FOXP1: variants seen among roughly 807,000 people sequenced by gnomAD.
The protein encoded by FOXP1 is forkhead box protein P1.
A neutral mutation model predicts 98.2 loss-of-function variants in FOXP1; 15 were observed. The observed-to-expected ratio is 0.15, with a 90% confidence interval of 0.10 to 0.24. The LOEUF is 0.24. FOXP1 is among the 10% of genes least tolerant of loss of function. The pLI is 1.00. For missense variants in FOXP1, 633 were observed against 848.5 expected, an observed-to-expected ratio of 0.75 and a Z score of 3.15; for synonymous variants, 371 against 314.5, an observed-to-expected ratio of 1.18 and a Z score of -1.90.
At chr3:71,277,573 G>A (rs1377753447) in intron 5 of FOXP1, among the ~76,000 whole-genome samples, 1 of 152,066 alleles carries the variant, frequency 6.6e-6, no homozygotes, top group African/African-American at 2.4e-5. Context: ...TCTGATGACT[G>A]CAGCCTCTAA....
intron 2 of FOXP1, among the ~76,000 whole-genome samples, chr3:71,555,773 T>A (rs939266853): frequency 7.2e-5 from 11 of 152,336 alleles, no homozygotes; most frequent in African/African-American, 2.4e-4. Context: ...TACTACAGCT[T>A]TTAAAATCCA....
intron 2 of FOXP1, among the ~76,000 whole-genome samples, chr3:71,523,360 T>C (rs1441428285): frequency 6.6e-6 from 1 of 152,182 alleles, no homozygotes; most frequent in South Asian, 2.1e-4. Context: ...ATTTACGTAG[T>C]AAGCTATGTG....
At chr3:71,067,833 T>C (rs1001737297) in intron 7 of FOXP1, among the ~76,000 whole-genome samples, 2 of 150,962 alleles carry the variant, frequency 1.3e-5, no homozygotes, top group East Asian at 1.9e-4. Context: ...CAGGATCACT[T>C]GGAGACCAGA....
chr3:71,339,438 G>T (rs1238720611), intron 4 of FOXP1, among the ~76,000 whole-genome samples: 2 of 152,226 alleles, frequency 1.3e-5, no homozygotes, highest in Non-Finnish European at 2.9e-5. Context: ...AACGAAGGAA[G>T]ACTGTATAAT....
At chr3:71,509,528 G>T (rs998308736) in intron 2 of FOXP1, among the ~76,000 whole-genome samples, 2 of 152,022 alleles carry the variant, frequency 1.3e-5, no homozygotes, top group Admixed American at 6.6e-5. Flanking sequence ...AGGTACTGGG[G>T]GTGAGGGCTT....
chr3:71,459,931 C>CGTTTTT (rs1334419290), intron 3 of FOXP1, among the ~76,000 whole-genome samples: 3 of 137,028 alleles, frequency 2.2e-5, no homozygotes, highest in Admixed American at 1.5e-4. Context: ...GCCCCATCTT[C>CGTTTTT]TTTTTTTTTT....
At chr3:71,126,680 C>T (rs1385222226) in intron 6 of FOXP1, among the ~76,000 whole-genome samples, 1 of 151,258 alleles carries the variant, frequency 6.6e-6, no homozygotes, top group Non-Finnish European at 1.5e-5. Flanking sequence ...AAAAATTAGC[C>T]AGGTGTGATG....
chr3:71,436,875 C>A (rs1463597086), intron 3 of FOXP1, among the ~76,000 whole-genome samples: 1 of 152,146 alleles, frequency 6.6e-6, no homozygotes. Context: ...ACACAGGAAA[C>A]AAAATGTAAG....
At chr3:70,960,156 A>AT (rs2032984152) in intron 20 of FOXP1, among the ~76,000 whole-genome samples, 1 of 152,206 alleles carries the variant, frequency 6.6e-6, no homozygotes, top group Non-Finnish European at 1.5e-5. Flanking sequence ...ACACCATGAT[A>AT]TACATGCTTG....
intron 7 of FOXP1, among the ~76,000 whole-genome samples, chr3:71,067,763 C>CACACACACACACACACACACA (rs374096871): frequency 6.7e-6 from 1 of 149,788 alleles, no homozygotes; most frequent in African/African-American, 2.5e-5. Flanking sequence ...CACACACACA[C>CACACACACACACACACACACA]AATTAGCCAC....
chr3:71,035,378 C>T (rs2047443323), intron 11 of FOXP1, among the ~76,000 whole-genome samples: 1 of 152,210 alleles, frequency 6.6e-6, no homozygotes, highest in African/African-American at 2.4e-5. Context: ...GCAACTGTTT[C>T]TGTAAATGGT....
intron 6 of FOXP1, among the ~76,000 whole-genome samples, chr3:71,164,744 G>C (rs1437819975): frequency 6.6e-6 from 1 of 152,096 alleles, no homozygotes; most frequent in Non-Finnish European, 1.5e-5. Flanking sequence ...TAAATCTATT[G>C]ACCATTTTTT....
intron 4 of FOXP1, among the ~76,000 whole-genome samples, chr3:71,318,972 G>T (rs1203125117): frequency 1.2e-4 from 18 of 152,184 alleles, no homozygotes; most frequent in Admixed American, 1.1e-3. Flanking sequence ...TCAAGGATGA[G>T]GAGGACATTC....
At chr3:71,541,745 T>C (rs1255312514) in intron 2 of FOXP1, among the ~76,000 whole-genome samples, 1 of 151,792 alleles carries the variant, frequency 6.6e-6, no homozygotes, top group African/African-American at 2.4e-5. Context: ...TACAAGAAGA[T>C]GAAAAGTTGA....
At chr3:71,202,764 G>T (rs552970223) in intron 5 of FOXP1, among the ~76,000 whole-genome samples, 31 of 152,206 alleles carry the variant, frequency 2.0e-4, no homozygotes, top group African/African-American at 7.0e-4. Flanking sequence ...AATGAGAGTG[G>T]CAGGTGGACA....
intron 13 of FOXP1, among the ~76,000 whole-genome samples, chr3:70,995,062 G>T (rs1323413903): frequency 4.6e-5 from 7 of 151,628 alleles, no homozygotes; most frequent in Non-Finnish European, 1.0e-4. Context: ...AAATCAGATG[G>T]TTTCCCCTTT....
At chr3:70,963,257 C>T (rs1170850674) in intron 20 of FOXP1, among the ~76,000 whole-genome samples, 1 of 152,126 alleles carries the variant, frequency 6.6e-6, no homozygotes, top group African/African-American at 2.4e-5. Context: ...ACTGTGTGAC[C>T]ACCTGATGAC....
At chr3:71,301,003 G>A (rs2073798060) in intron 4 of FOXP1, among the ~76,000 whole-genome samples, 1 of 152,122 alleles carries the variant, frequency 6.6e-6, no homozygotes. Context: ...GAATTGATCC[G>A]AGGCCAATTT....
intron 6 of FOXP1, among the ~76,000 whole-genome samples, chr3:71,144,084 T>C (rs1208399549): frequency 6.6e-6 from 1 of 152,192 alleles, no homozygotes; most frequent in Non-Finnish European, 1.5e-5. Flanking sequence ...TTTGGCTTAC[T>C]GCTTTTTAAG....
Sources: allele counts gnomAD v4.1 joint callset (sites outside exome capture counted in the v4.1 genomes callset), GRCh38; gene constraint gnomAD v4.1.1; transcripts MANE v1.5; gene names NCBI Gene and HGNC (gene_info 2026-07-23, HGNC 2026-07-21).